Variants in TUSC3 observed in about 807,000 individuals in gnomAD.
The protein encoded by TUSC3 is dolichyl-diphosphooligosaccharide--protein glycosyltransferase subunit TUSC3.
In TUSC3, 45 loss-of-function variants were observed where a neutral mutation model predicts 44.8. The ratio of observed to expected loss-of-function variants is 1.00; its 90% confidence interval spans 0.79 to 1.29. TUSC3 has a LOEUF of 1.29. Among genes scored for constraint, TUSC3 ranks in the 50% most tolerant of loss-of-function variants. The probability of loss-of-function intolerance (pLI) is 0.00; values close to 1 mark genes in which losing one functional copy is unlikely to be tolerated. For synonymous variants in TUSC3, 212 were observed against 152.9 expected, an observed-to-expected ratio of 1.39 and a Z score of -2.85; for missense variants, 519 against 437.9, an observed-to-expected ratio of 1.19 and a Z score of -1.65.
downstream of TUSC3, among the ~76,000 whole-genome samples, chr8:15,770,838 C>T (rs1812429611): frequency 6.6e-6 from 1 of 151,980 alleles, no homozygotes; most frequent in African/African-American, 2.4e-5. Context: ...GAGGAAAGGA[C>T]AGAAAAGAGT....
rs190945732 is a variant in TUSC3, at chr8:15,437,796, C to G, written n.91+20491C>G. On this transcript the variant is annotated intron_variant and non_coding_transcript_variant, in intron 1 of 5. Coordinates refer to the TUSC3 transcript ENST00000503191. ...CTATACCTCGAGTTTCAGATTTTCT[C>G]CTACAGTCATGCCTTAAGGACTCAG... 5.0e-4 allele frequency among the ~76,000 whole-genome samples: 76 copies of G among 152,278 alleles called. 1 individual carries two copies. Among genetic ancestry groups the G allele is most frequent in the African/African-American group, 1.7e-3 (70 of 41,568 alleles).
the TUSC3 span, among the ~76,000 whole-genome samples, chr8:15,824,079 G>A: frequency 9.4e-4 from 143 of 152,296 alleles, 1 homozygote; most frequent in African/African-American, 3.3e-3. Flanking sequence ...CAGCTAAGCT[G>A]CATTTTAGAA....
chr8:15,455,673 T>C (rs1169020487), intron 1 of TUSC3, among the ~76,000 whole-genome samples: 1 of 152,168 alleles, frequency 6.6e-6, no homozygotes, highest in Non-Finnish European at 1.5e-5. Context: ...ATTCTATCAG[T>C]GAGAAAATTA....
chr8:15,618,117 C>T (rs941881252), intron 1 of TUSC3, among the ~76,000 whole-genome samples: 1 of 152,140 alleles, frequency 6.6e-6, no homozygotes. Context: ...ATGAATGGAG[C>T]TTTCAGGCCT....
At chr8:15,542,046 T>C (rs1241425783) in intron 1 of TUSC3, among the ~76,000 whole-genome samples, 1 of 151,554 alleles carries the variant, frequency 6.6e-6, no homozygotes, top group Non-Finnish European at 1.5e-5. Context: ...TGACACAGCC[T>C]CTGGAGGTCC....
At chr8:15,531,475 C>T (rs868083297) in intron 2 of TUSC3, among the ~76,000 whole-genome samples, 124 of 152,338 alleles carry the variant, frequency 8.1e-4, no homozygotes, top group African/African-American at 2.4e-3. Context: ...TGGTCTCGAA[C>T]TCCTGACCTC....
intron 10 of TUSC3, among the ~76,000 whole-genome samples, chr8:15,762,689 T>G (rs982589520): frequency 2.0e-5 from 3 of 152,132 alleles, no homozygotes; most frequent in Admixed American, 2.0e-4. Context: ...AGGTTTCTTT[T>G]TTCATTAACC....
intron 7 of TUSC3, among the ~76,000 whole-genome samples, chr8:15,737,805 G>T (rs1329958584): frequency 6.6e-6 from 1 of 152,112 alleles, no homozygotes; most frequent in Non-Finnish European, 1.5e-5. Flanking sequence ...CTCAGTGAAA[G>T]AAATGCCACG....
chr8:15,430,932 T>C (rs1278308365), intron 1 of TUSC3, among the ~76,000 whole-genome samples: 2 of 151,774 alleles, frequency 1.3e-5, no homozygotes, highest in Non-Finnish European at 2.9e-5. Flanking sequence ...CCATTGTAAT[T>C]ATTGTTGACT....
At chr8:15,431,185 G>T (rs780298901) in intron 1 of TUSC3, among the ~76,000 whole-genome samples, 1 of 151,524 alleles carries the variant, frequency 6.6e-6, no homozygotes. Context: ...GGTTCCCTAT[G>T]AATTTTGGAA....
At chr8:15,599,847 G>A (rs141883843) in intron 1 of TUSC3, among the ~76,000 whole-genome samples, 4 of 151,632 alleles carry the variant, frequency 2.6e-5, no homozygotes, top group East Asian at 1.9e-4. Flanking sequence ...TGGAGGTTGG[G>A]AAGTATCCTC....
chr8:15,503,659 G>A lies in TUSC3; in HGVS notation n.189+20176G>A, dbSNP rs552510440. Among the ~76,000 whole-genome samples the A allele has an allele frequency of 7.9e-5, 12 of 152,078 alleles. No individual in the cohort carries two copies. The South Asian group carries it at 8.3e-4, about 11-fold the overall frequency. Reference sequence around the variant, plus strand: ...TTCGAGGTTGCAGTAAGCTACGTTCGTACCACTCCACTCCAGCCTGGGTAA... The same window carrying A: ...TTCGAGGTTGCAGTAAGCTACGTTCATACCACTCCACTCCAGCCTGGGTAA... On this transcript the variant is annotated intron_variant and non_coding_transcript_variant, in intron 2 of 5. Transcript: ENST00000503191.
chr8:15,665,690 T>A (rs556151845), intron 5 of TUSC3, among the ~76,000 whole-genome samples: 1 of 151,334 alleles, frequency 6.6e-6, no homozygotes, highest in African/African-American at 2.4e-5. Flanking sequence ...ACAGTGAGAT[T>A]AAATTTGCAG....
intron 1 of TUSC3, among the ~76,000 whole-genome samples, chr8:15,597,987 G>A (rs1804138775): frequency 6.6e-6 from 1 of 151,962 alleles, no homozygotes; most frequent in South Asian, 2.1e-4. Context: ...CTTATTCTGT[G>A]TCCTAGCGTT....
In TUSC3 at chr8:15,623,091, T is replaced by C; in HGVS notation, c.150T>C (p.Ala50=). 6.2e-7 allele frequency: 1 copy of C among 1,613,758 alleles called. No homozygotes were observed. Among genetic ancestry groups the C allele is most frequent in the Non-Finnish European group, 8.5e-7 (1 of 1,179,810 alleles). The change falls in exon 2 of 11, where the codon GCT becomes GCC. Residue 50 remains alanine (A), a synonymous_variant. Transcript: ENST00000503731. The part of the protein sequence containing the change: ...GGQKKKENLL[A]EKVEQLMEWS... ...GTGTTTAATTGCAGAATCTTTTAGC[T>C]GAAAAAGTAGAGCAGCTGATGGAAT...
chr8:15,696,647 C>G (rs538447044), intron 6 of TUSC3, among the ~76,000 whole-genome samples: 1 of 152,318 alleles, frequency 6.6e-6, no homozygotes, highest in Admixed American at 6.5e-5. Flanking sequence ...ACTTGATCAT[C>G]TGTTCAGGTG....
At chr8:15,837,770 G>T in the TUSC3 span, among the ~76,000 whole-genome samples, 2 of 152,088 alleles carry the variant, frequency 1.3e-5, no homozygotes, top group East Asian at 3.9e-4. Context: ...TGTCTGGCCT[G>T]TAACAACCAT....
intron 2 of TUSC3, among the ~76,000 whole-genome samples, chr8:15,499,700 T>C (rs1006732206): frequency 7.9e-5 from 12 of 152,286 alleles, no homozygotes; most frequent in Admixed American, 7.8e-4. Context: ...AGGGTGTTTC[T>C]GGATGAAATT....
At chr8:15,529,036 T>C (rs1339892916) in intron 2 of TUSC3, among the ~76,000 whole-genome samples, 1 of 152,196 alleles carries the variant, frequency 6.6e-6, no homozygotes, top group Admixed American at 6.6e-5. Flanking sequence ...TCCACTGACC[T>C]TTCCTGATAC....
Sources: gnomAD v4.1 joint callset for allele counts (sites outside exome capture counted in the v4.1 genomes callset) on GRCh38, gnomAD v4.1.1 for gene constraint, MANE v1.5 for transcripts, NCBI Gene and HGNC (gene_info 2026-07-23, HGNC 2026-07-21) for gene names.